The following MCF2L variants were observed in gnomAD, a reference collection of about 807,000 sequenced individuals.
MCF2L encodes the protein guanine nucleotide exchange factor DBS.
MCF2L carries 97 observed loss-of-function variants against 153.4 expected under a neutral mutation model. The ratio of observed to expected loss-of-function variants is 0.63; its 90% CI spans 0.54 to 0.75. MCF2L has a LOEUF of 0.75. Ranked by LOEUF, MCF2L falls within the 30% of genes least tolerant of loss-of-function variation. MCF2L has a pLI of 0.00. For missense variants in MCF2L, 1,347 were observed against 1,495.2 expected (o/e 0.90, Z 1.64); for synonymous variants, 659 against 632.2 (o/e 1.04, Z -0.64).
At chr13:112,999,686 C>T (rs192349365) in intron 1 of MCF2L, among the ~76,000 whole-genome samples, 2 of 152,264 alleles carry the variant, frequency 1.3e-5, no homozygotes, top group East Asian at 1.9e-4. Context: ...GTGTCCCAAG[C>T]CTGAGGCCTC....
intron 27 of MCF2L, chr13:113,094,888 G>A (rs1595044634): frequency 1.1e-5 from 13 of 1,189,336 alleles, no homozygotes; most frequent in Non-Finnish European, 2.3e-6. Flanking sequence ...GTCCACCTGG[G>A]CCTGGGTCTT....
At chr13:113,001,771 C>T (rs2083388724) in intron 1 of MCF2L, 1 of 1,394,976 alleles carries the variant, frequency 7.2e-7, no homozygotes, top group South Asian at 1.6e-5. Flanking sequence ...CTGCAGAGGC[C>T]AGGTCTGCCC....
At chr13:113,005,267 C>G (rs1429774951) in intron 1 of MCF2L, among the ~76,000 whole-genome samples, 1 of 152,174 alleles carries the variant, frequency 6.6e-6, no homozygotes, top group African/African-American at 2.4e-5. Flanking sequence ...GCTGCAGGCA[C>G]AGAAAGGCAA....
chr13:113,015,866 C>A (rs967048882), intron 2 of MCF2L, among the ~76,000 whole-genome samples: 1 of 152,194 alleles, frequency 6.6e-6, no homozygotes, highest in Non-Finnish European at 1.5e-5. Flanking sequence ...GGCTCCAATC[C>A]CCCTGTGTCG....
At chr13:112,923,934 A>G (rs1003784946) in intron 2 of MCF2L, among the ~76,000 whole-genome samples, 1 of 152,190 alleles carries the variant, frequency 6.6e-6, no homozygotes, top group African/African-American at 2.4e-5. Context: ...GTTGTAGAAC[A>G]TTCCTAAATT....
chr13:112,962,827 AG>A (rs1490708446), intron 2 of MCF2L, among the ~76,000 whole-genome samples: 3 of 152,162 alleles, frequency 2.0e-5, no homozygotes, highest in Non-Finnish European at 4.4e-5. Context: ...GGAGCCCCCC[AG>A]GCAGCCGATG....
intron 2 of MCF2L, among the ~76,000 whole-genome samples, chr13:112,946,297 A>G (rs915359837): frequency 3.3e-5 from 5 of 152,126 alleles, no homozygotes; most frequent in African/African-American, 1.2e-4. Flanking sequence ...AAAAAAAAAA[A>G]ACTATAGTAA....
At chr13:113,089,843 G>A in intron 26 of MCF2L, 115 bp downstream of exon 26, 1 of 1,612,182 alleles carries the variant, frequency 6.2e-7, no homozygotes, top group Non-Finnish European at 8.5e-7. Context: ...GCTTTGCAGA[G>A]CATTCAGGGC....
chr13:113,090,450 G>T (rs868243208), intron 26 of MCF2L: 1 of 95,162 alleles, frequency 1.1e-5, no homozygotes, highest in African/African-American at 1.3e-4. Flanking sequence ...CCCCACCCCC[G>T]CCTTCTCCCG....
Position 112,920,394 on chromosome 13 carries a change from C to T in MCF2L, c.169+18023C>T, listed in dbSNP as rs112949969. Among the ~76,000 whole-genome samples, 75 of 152,040 alleles carry T rather than the reference C, an allele frequency of 4.9e-4. 1 individual carries two copies. The highest frequency in any genetic ancestry group is 2.0e-3 in the Admixed American group (30 of 15,272). ...TGGCTTGTGTGTGTGTGTGCACACG[C>T]GTGTTTGTGATCAGTTATCTGATAT... is the stretch of plus-strand genomic sequence containing the variant. On this transcript the variant is annotated intron_variant, in intron 2 of 29. Coordinates refer to the MCF2L transcript ENST00000375608.
intron 3 of MCF2L, among the ~76,000 whole-genome samples, chr13:113,029,876 CAT>C (rs1258386784): frequency 2.0e-5 from 3 of 152,262 alleles, no homozygotes; most frequent in African/African-American, 7.2e-5. Flanking sequence ...TGTTCTTTCA[CAT>C]GTCAATGCAA....
Position 112,969,622 on chromosome 13 carries a change from G to A in MCF2L, c.79+164G>A, listed in dbSNP as rs2081973213. ...GGTTGGCAGCTGGTGTGTTTTCAGA[G>A]GCTGTCGGCGATCGTATGCTGCCCG... On this transcript the variant is annotated intron_variant, in intron 1 of 29. Coordinates refer to ENST00000535094, the MANE Select transcript of MCF2L (RefSeq NM_001112732.3). This position sits in a 1 kb window ranked among gnomAD's most constrained non-coding sequence, Gnocchi z 4.8. 1 of 800,742 alleles carries A rather than the reference G, an allele frequency of 1.2e-6. No individual in the cohort carries two copies. The highest frequency in any genetic ancestry group is 1.9e-5 in the African/African-American group (1 of 53,712). 49.6% of individuals were successfully genotyped at this position (800,742 alleles called of 1,614,324 possible). A position where few individuals can be genotyped will look rare whatever the true frequency, so the allele number is the denominator to read the frequency against.
intron 1 of MCF2L, among the ~76,000 whole-genome samples, chr13:113,011,736 C>T (rs1361911653): frequency 1.6e-5 from 2 of 125,574 alleles, no homozygotes; most frequent in Non-Finnish European, 1.7e-5. Flanking sequence ...GCGGTGTGGA[C>T]GGTGGACACC....
At chr13:112,896,060 CG>C (rs2081064860) in intron 1 of MCF2L, among the ~76,000 whole-genome samples, 1 of 152,208 alleles carries the variant, frequency 6.6e-6, no homozygotes, top group Admixed American at 6.5e-5. Flanking sequence ...CAACGTTAGA[CG>C]GTGGGCTTAG....
chr13:112,895,515 C>T (rs1028601914), intron 1 of MCF2L, among the ~76,000 whole-genome samples: 1 of 152,072 alleles, frequency 6.6e-6, no homozygotes, highest in African/African-American at 2.4e-5. Context: ...TGAGGAGGAG[C>T]CTCTAGCCCC....
At position 113,083,891 on chromosome 13, in the gene MCF2L, C is replaced by T. The variant is rs1026211743; in HGVS notation, c.1992-107C>T. The T allele has an allele frequency of 1.2e-5, 10 of 845,196 alleles. No homozygotes were observed. The African/African-American group carries it at 1.7e-4, about 14-fold the overall frequency. The allele number at this position is 845,196 out of a possible 1,614,324, so 52.4% of individuals were successfully genotyped here. On this transcript the variant is annotated intron_variant, in intron 17 of 29. Coordinates refer to ENST00000535094, the MANE Select transcript of MCF2L (RefSeq NM_001112732.3). ...CTCCAAGTCATGCGGGGCAGATTGC[C>T]CAGAGCAAGGCGTAACAGGCTTCTG...
Position 113,027,158 on chromosome 13 carries a change from A to G in MCF2L, c.278+2400A>G. The G allele has an allele frequency of 1.5e-6, 1 of 675,974 alleles. No individual in the cohort carries two copies. The highest frequency in any genetic ancestry group is 1.6e-5 in the South Asian group (1 of 62,530). The allele number at this position is 675,974 out of a possible 1,614,324, so 41.9% of individuals were successfully genotyped here. On this transcript the variant is annotated intron_variant, in intron 3 of 29. Transcript: ENST00000535094. The surrounding 1 kb of genome is among the most constrained non-coding windows in gnomAD (Gnocchi z 4.8). ...GCGTGAAAGTGCAGCCGTGGCCATT[A>G]CCGTGAAGGTTCTTCATTCTTCAGT...
At chr13:112,896,367 CG>C (rs1331746602) in intron 1 of MCF2L, among the ~76,000 whole-genome samples, 16 of 152,136 alleles carry the variant, frequency 1.1e-4, no homozygotes, top group African/African-American at 3.9e-4. Flanking sequence ...TTGCTCACAT[CG>C]AGGACCCCAG....
chr13:113,059,906 A>G (rs768236587), intron 4 of MCF2L, among the ~76,000 whole-genome samples: 3 of 152,226 alleles, frequency 2.0e-5, no homozygotes, highest in Non-Finnish European at 4.4e-5. Flanking sequence ...TGTTGCTTTT[A>G]TAAAATTTGA....
Sources: gnomAD v4.1 joint callset for allele counts (sites outside exome capture counted in the v4.1 genomes callset) on GRCh38, gnomAD v4.1.1 for gene constraint, Gnocchi (gnomAD v3.1) non-coding constraint, MANE v1.5 for transcripts, NCBI Gene and HGNC (gene_info 2026-07-23, HGNC 2026-07-21) for gene names.